KLRG1: variants seen among roughly 807,000 people sequenced by gnomAD.
KLRG1 encodes the protein killer cell lectin like receptor G1.
A neutral mutation model predicts 21.8 loss-of-function variants in KLRG1; 16 were observed. The ratio of observed to expected loss-of-function variants is 0.73; its 90% CI spans 0.50 to 1.11. The LOEUF (loss-of-function observed/expected upper bound fraction) is 1.11, where lower values mean the gene tolerates loss of function less well. Among genes scored for constraint, KLRG1 ranks in the 50% most tolerant of loss-of-function variants. The pLI is 0.00. For missense variants in KLRG1, 173 were observed against 218.3 expected (o/e 0.79, Z 1.31); for synonymous variants, 69 against 75.9 (o/e 0.91, Z 0.47).
In KLRG1 at chr12:9,009,900, A is replaced by G; in HGVS notation, c.*363A>G. 1 of 1,512,802 alleles carries G rather than the reference A, an allele frequency of 6.6e-7. No individual in the cohort carries two copies. Among genetic ancestry groups the G allele is most frequent in the South Asian group, 1.2e-5 (1 of 80,828 alleles). The allele number at this position is 1,512,802 out of a possible 1,614,324, so 93.7% of individuals were successfully genotyped here. ...ATTCTGAGCTAATCTGATAAAATCT[A>G]TGCCAATATATACTATTGCTTGTGT... On this transcript the variant is annotated 3_prime_UTR_variant, in exon 5 of 5. Transcript: ENST00000356986.
chr12:9,009,281 G>A (rs1947574393), intron 4 of KLRG1, 145 bp from the exon 5 acceptor site: 2 of 977,470 alleles, frequency 2.0e-6, no homozygotes, highest in Admixed American at 5.8e-5. Flanking sequence ...AGAGGCTGAT[G>A]AACAATTTTA....
chr12:9,187,852 C>T, the KLRG1 span, among the ~76,000 whole-genome samples: 1 of 152,300 alleles, frequency 6.6e-6, no homozygotes, highest in East Asian at 1.9e-4. Context: ...GTTACAGCAA[C>T]GGAAGCTTCA....
At chr12:9,169,687 T>A in the KLRG1 span, 2 of 1,203,494 alleles carry the variant, frequency 1.7e-6, no homozygotes, top group Non-Finnish European at 2.2e-6. Context: ...ACCAATCTTT[T>A]CTTGAGTACG....
chr12:8,985,991 G>A (rs1422293226), upstream of KLRG1, among the ~76,000 whole-genome samples: 1 of 152,190 alleles, frequency 6.6e-6, no homozygotes, highest in Admixed American at 6.5e-5. Flanking sequence ...AAGAAGGCCA[G>A]AGGCCTTCCC....
intron 3 of KLRG1, among the ~76,000 whole-genome samples, chr12:8,998,490 C>T (rs2137375031): frequency 6.6e-6 from 1 of 152,172 alleles, no homozygotes; most frequent in Non-Finnish European, 1.5e-5. Flanking sequence ...GAATTCAAGA[C>T]CAGCCTGGGC....
the KLRG1 span, among the ~76,000 whole-genome samples, chr12:9,163,277 C>A: frequency 1.6e-5 from 2 of 128,712 alleles, no homozygotes; most frequent in Admixed American, 1.7e-4. Context: ...ATGGTGAAAC[C>A]CCGTCTCTAC....
the KLRG1 span, among the ~76,000 whole-genome samples, chr12:9,114,489 CCTA>C: frequency 6.6e-6 from 1 of 151,830 alleles, no homozygotes; most frequent in African/African-American, 2.4e-5. Context: ...GTATAAGATA[CCTA>C]CTATCACTAT....
At chr12:9,164,685 G>A in the KLRG1 span, among the ~76,000 whole-genome samples, 1 of 152,142 alleles carries the variant, frequency 6.6e-6, no homozygotes, top group African/African-American at 2.4e-5. Context: ...CCGATCTTGA[G>A]GATATTGTGT....
chr12:8,999,476 A>T (rs1439859224), intron 3 of KLRG1, among the ~76,000 whole-genome samples: 2 of 152,192 alleles, frequency 1.3e-5, no homozygotes, highest in Non-Finnish European at 2.9e-5. Context: ...TGACCTTGGG[A>T]TTCCCCGAGC....
chr12:9,128,114 C>T, the KLRG1 span: 3 of 191,146 alleles, frequency 1.6e-5, no homozygotes, highest in Admixed American at 1.7e-4. Context: ...CATCCAAGGC[C>T]TGCAGGAGGA....
chr12:9,203,496 T>C, the KLRG1 span, among the ~76,000 whole-genome samples: 3 of 152,082 alleles, frequency 2.0e-5, no homozygotes, highest in South Asian at 6.2e-4. Flanking sequence ...CGCCTGCCAC[T>C]ACGCCCGGCT....
At chr12:9,015,647 TAG>T (rs1305427737), downstream of KLRG1, among the ~76,000 whole-genome samples, 2 of 152,186 alleles carry the variant, frequency 1.3e-5, no homozygotes, top group African/African-American at 4.8e-5. Flanking sequence ...ATCTGTCCTA[TAG>T]ACCAAGTGGA....
chr12:8,978,727 T>C lies in KLRG1; in HGVS notation c.-155-13479T>C, dbSNP rs186263136. 3.2e-3 allele frequency among the ~76,000 whole-genome samples: 490 copies of C among 151,600 alleles called. 4 individuals carry two copies. Among genetic ancestry groups the C allele is most frequent in the African/African-American group, 0.011 (463 of 41,192 alleles). ...TCTCTCTCTCTCTTCTTTCTTTCTT[T>C]CTTTTTTTTTGGAGTCTCACTCTGT... is the stretch of plus-strand genomic sequence containing the variant. On this transcript the variant is annotated intron_variant, in intron 1 of 4. Coordinates refer to the KLRG1 transcript ENST00000539240.
At chr12:9,182,200 TTGGTC>T in the KLRG1 span, 2 of 1,378,342 alleles carry the variant, frequency 1.5e-6, no homozygotes, top group African/African-American at 1.5e-5. Context: ...ACACTATTGC[TTGGTC>T]TTATCCACTT....
chr12:9,107,869 TC>T, the KLRG1 span, among the ~76,000 whole-genome samples: 3 of 152,098 alleles, frequency 2.0e-5, no homozygotes, highest in Non-Finnish European at 2.9e-5. Context: ...TTCTTTTTTT[TC>T]CTCGTTTTTT....
the KLRG1 span, chr12:9,202,700 T>G: frequency 1.9e-4 from 300 of 1,610,880 alleles, 1 homozygote; most frequent in South Asian, 1.3e-3. Context: ...AAGCAAAGGA[T>G]TTTTTACTAC....
intron 1 of KLRG1, among the ~76,000 whole-genome samples, chr12:8,973,090 C>T (rs1337239528): frequency 7.0e-6 from 1 of 142,564 alleles, no homozygotes; most frequent in Non-Finnish European, 1.5e-5. Flanking sequence ...ACCCAGGAGG[C>T]AGAGGTTTCA....
chr12:9,008,018 CAA>C (rs1947521477), intron 3 of KLRG1, among the ~76,000 whole-genome samples: 1 of 152,094 alleles, frequency 6.6e-6, no homozygotes, highest in South Asian at 2.1e-4. Context: ...CTTTGCAGAT[CAA>C]AGTCTTTTAT....
the KLRG1 span, chr12:9,110,393 T>C: frequency 8.8e-7 from 1 of 1,133,714 alleles, no homozygotes; most frequent in Non-Finnish European, 1.2e-6. Context: ...TAAATCTCAT[T>C]TATAAGCAAA....
Sources: gnomAD v4.1 joint callset for allele counts (sites outside exome capture counted in the v4.1 genomes callset) on GRCh38, gnomAD v4.1.1 for gene constraint, MANE v1.5 for transcripts, NCBI Gene and HGNC (gene_info 2026-07-23, HGNC 2026-07-21) for gene names.